Variants in C12orf54 observed in about 807,000 individuals in gnomAD.
C12orf54 encodes uncharacterized protein C12orf54.
A neutral mutation model predicts 26.4 loss-of-function variants in C12orf54; 24 were observed. The observed-to-expected ratio is 0.91, with a 90% CI of 0.66 to 1.28. C12orf54 has a LOEUF of 1.28. Among genes scored for constraint, C12orf54 ranks in the 50% most tolerant of loss-of-function variants. The probability of loss-of-function intolerance (pLI) is 0.00; values close to 1 mark genes in which losing one functional copy is unlikely to be tolerated. For missense variants in C12orf54, 154 were observed against 150.9 expected (o/e 1.02, Z -0.11); for synonymous variants, 54 against 47.0 (o/e 1.15, Z -0.61).
chr12:48,456,828 C>A, the C12orf54 span, among the ~76,000 whole-genome samples: 11 of 152,124 alleles, frequency 7.2e-5, no homozygotes, highest in Non-Finnish European at 1.5e-5. Context: ...GAATAAACCA[C>A]ATTAAATGCA....
chr12:48,462,094 T>TAA, the C12orf54 span, among the ~76,000 whole-genome samples: 2 of 151,522 alleles, frequency 1.3e-5, no homozygotes, highest in South Asian at 2.1e-4. Context: ...ATGAAAAAAC[T>TAA]AATAAGGGAA....
chr12:48,429,551 A>G, the C12orf54 span, among the ~76,000 whole-genome samples: 2 of 151,816 alleles, frequency 1.3e-5, no homozygotes, highest in African/African-American at 2.4e-5. Flanking sequence ...CAAATCAAGA[A>G]CACAACCCCT....
chr12:48,445,294 G>A, the C12orf54 span, among the ~76,000 whole-genome samples: 1 of 151,954 alleles, frequency 6.6e-6, no homozygotes, highest in Non-Finnish European at 1.5e-5. Flanking sequence ...GCCAGTCGAG[G>A]ATTTTAGACT....
At chr12:48,486,017 C>T (rs1300841672) in intron 2 of C12orf54, among the ~76,000 whole-genome samples, 161 bp from the exon 3 acceptor site, 1 of 152,182 alleles carries the variant, frequency 6.6e-6, no homozygotes, top group Non-Finnish European at 1.5e-5. Flanking sequence ...CCCCACACCT[C>T]CCATAAAGGG....
chr12:48,445,160 G>A, the C12orf54 span, among the ~76,000 whole-genome samples: 31 of 152,100 alleles, frequency 2.0e-4, no homozygotes, highest in East Asian at 1.4e-3. Flanking sequence ...GCGACAGAGC[G>A]AGACTCCGTC....
chr12:48,447,202 CT>C, the C12orf54 span, among the ~76,000 whole-genome samples: 2 of 134,100 alleles, frequency 1.5e-5, no homozygotes, highest in Non-Finnish European at 3.1e-5. Context: ...CTCTCTCTCT[CT>C]CTCTTACTCT....
chr12:48,487,773 T>C (rs540068554), intron 4 of C12orf54: 1 of 397,042 alleles, frequency 2.5e-6, no homozygotes, highest in Admixed American at 3.8e-5. Context: ...ACATACACTA[T>C]ATTTCCACCA....
In C12orf54 at chr12:48,489,217, T is replaced by G. The variant is rs564826890; in HGVS notation, c.168+261T>G. ...CTAGAACTTGTCTCAGCAAGAATACTCTATGTGGTTGTATGAAATGCTGAT... is the reference window on the plus strand; with the variant it reads ...CTAGAACTTGTCTCAGCAAGAATACGCTATGTGGTTGTATGAAATGCTGAT... On this transcript the variant is annotated intron_variant, in intron 5 of 8. Transcript: ENST00000548364. 75 of 649,042 alleles carry G rather than the reference T, an allele frequency of 1.2e-4. No homozygotes were observed. In the African/African-American group the frequency reaches 1.2e-3, roughly 10 times the overall value. The allele number at this position is 649,042 out of a possible 1,614,324, so 40.2% of individuals were successfully genotyped here.
At chr12:48,424,730 T>C in the C12orf54 span, among the ~76,000 whole-genome samples, 1 of 152,180 alleles carries the variant, frequency 6.6e-6, no homozygotes, top group Admixed American at 6.6e-5. Flanking sequence ...TGATCACATA[T>C]GTCTTCACAA....
At chr12:48,469,484 T>C in the C12orf54 span, among the ~76,000 whole-genome samples, 2 of 152,220 alleles carry the variant, frequency 1.3e-5, no homozygotes, top group African/African-American at 4.8e-5. Context: ...TGTTATCCTG[T>C]TCTTTTAGGA....
chr12:48,476,113 T>C, the C12orf54 span, among the ~76,000 whole-genome samples: 2 of 152,100 alleles, frequency 1.3e-5, no homozygotes, highest in Non-Finnish European at 2.9e-5. Flanking sequence ...AAGAAAAGAA[T>C]TTTCAACCCA....
At chr12:48,461,831 C>G in the C12orf54 span, among the ~76,000 whole-genome samples, 1 of 151,386 alleles carries the variant, frequency 6.6e-6, no homozygotes, top group Admixed American at 6.6e-5. Context: ...AAGAAGCTAG[C>G]AAATTAAGAT....
intron 3 of C12orf54, 120 bp from the exon 4 acceptor site, chr12:48,486,568 T>G: frequency 9.6e-7 from 1 of 1,043,062 alleles, no homozygotes; most frequent in Non-Finnish European, 1.4e-6. Context: ...AATGGGGTGA[T>G]TTTGGGTGTC....
At position 48,496,194 on chromosome 12, in the gene C12orf54, G is replaced by A. The variant is rs1440187243; in HGVS notation, c.*54G>A. 1.3e-5 allele frequency: 2 copies of A among 152,374 alleles called. No homozygotes were observed. Among genetic ancestry groups the A allele is most frequent in the Non-Finnish European group, 2.9e-5 (2 of 68,048 alleles). 9.4% of individuals were successfully genotyped at this position (152,374 alleles called of 1,614,324 possible). The stretch of plus-strand genomic sequence containing the variant: ...TGTCATCTACAGCACAGCTTCAGTT[G>A]GGGAAGATATTAGCAGACATCATCA... On this transcript the variant is annotated 3_prime_UTR_variant, in exon 9 of 9. Transcript: ENST00000548364.
the C12orf54 span, among the ~76,000 whole-genome samples, chr12:48,415,902 A>G: frequency 6.6e-6 from 1 of 152,126 alleles, no homozygotes; most frequent in Admixed American, 6.5e-5. Flanking sequence ...CAAATCCTCA[A>G]GTTTCGCCTT....
chr12:48,483,161 T>TGAGACATCTGTCCC (rs1025801670), intron 1 of C12orf54, 79 bp from the exon 2 acceptor site: 22 of 674,780 alleles, frequency 3.3e-5, no homozygotes, highest in Non-Finnish European at 5.4e-5. Context: ...CATTAACTGC[T>TGAGACATCTGTCCC]GGTAGTTCTC....
At chr12:48,451,030 A>G in the C12orf54 span, among the ~76,000 whole-genome samples, 1 of 152,138 alleles carries the variant, frequency 6.6e-6, no homozygotes, top group Non-Finnish European at 1.5e-5. Context: ...TAAAAAAAAG[A>G]GAGAGAAAAC....
intron 5 of C12orf54, chr12:48,489,297 G>A (rs1313146881): frequency 9.0e-6 from 4 of 445,342 alleles, no homozygotes; most frequent in Non-Finnish European, 1.7e-5. Context: ...CTTATTAGGT[G>A]AGTATGTCTG....
upstream of C12orf54, among the ~76,000 whole-genome samples, chr12:48,477,813 G>T (rs1954159172): frequency 6.6e-6 from 1 of 152,196 alleles, no homozygotes; most frequent in South Asian, 2.1e-4. Flanking sequence ...AATTCTACCA[G>T]AGGTACAAAG....
Sources: gnomAD v4.1 joint callset for allele counts (sites outside exome capture counted in the v4.1 genomes callset) on GRCh38, gnomAD v4.1.1 for gene constraint, MANE v1.5 for transcripts, NCBI Gene and HGNC (gene_info 2026-07-23, HGNC 2026-07-21) for gene names.